KIF20B: variants seen among roughly 807,000 people sequenced by gnomAD.
KIF20B encodes the protein kinesin-like protein KIF20B.
A neutral mutation model predicts 232.5 loss-of-function variants in KIF20B; 188 were observed. The ratio of observed to expected loss-of-function variants is 0.81; its 90% CI spans 0.72 to 0.91. The LOEUF (loss-of-function observed/expected upper bound fraction) is 0.91, where lower values mean the gene tolerates loss of function less well. Ranked by LOEUF, KIF20B falls within the 40% of genes least tolerant of loss-of-function variation. The pLI is 0.00. For synonymous variants in KIF20B, 712 were observed against 683.0 expected (o/e 1.04, Z -0.66); for missense variants, 2,154 against 2,055.9 (o/e 1.05, Z -0.92).
At chr10:89,702,467 A>G (rs1159606757) in intron 1 of KIF20B, among the ~76,000 whole-genome samples, 2 of 152,258 alleles carry the variant, frequency 1.3e-5, no homozygotes, top group Non-Finnish European at 2.9e-5. Flanking sequence ...GTAGTGTAAC[A>G]GTGTATTTAT....
intron 32 of KIF20B, 68 bp from the exon 33 acceptor site, chr10:89,773,902 AT>A: frequency 1.1e-6 from 1 of 949,352 alleles, no homozygotes; most frequent in Non-Finnish European, 1.6e-6. Flanking sequence ...TGTCTTACTC[AT>A]TATAAACAAG....
At chr10:89,727,930 GTATT>G (rs759083525) in intron 17 of KIF20B, 34 bp downstream of exon 17, 1 of 1,509,454 alleles carries the variant, frequency 6.6e-7, no homozygotes, top group South Asian at 1.2e-5. Context: ...TCTTGATAAG[GTATT>G]TAATTAACAA....
chr10:89,756,659 A>G (rs1288090958), intron 26 of KIF20B, among the ~76,000 whole-genome samples: 2 of 152,118 alleles, frequency 1.3e-5, no homozygotes, highest in Admixed American at 1.3e-4. Flanking sequence ...ACACTGTTCC[A>G]CCCCAGAAGC....
intron 22 of KIF20B, among the ~76,000 whole-genome samples, chr10:89,745,465 G>T (rs1196065537): frequency 6.6e-6 from 1 of 152,206 alleles, no homozygotes; most frequent in East Asian, 1.9e-4. Context: ...GGAGGTTGCA[G>T]TGAGCCAAGA....
chr10:89,762,730 A>G lies in KIF20B; in HGVS notation c.4884A>G (p.Thr1628=). Reference sequence around the variant, plus strand: ...AACCTGAGTTAGAGATTCAATTTACACCTTTACAGCCAAACAAAATGGCAG... The same window carrying G: ...AACCTGAGTTAGAGATTCAATTTACGCCTTTACAGCCAAACAAAATGGCAG... ...FPKPELEIQF[T]PLQPNKMAVK... is the part of the protein sequence containing the mutation. The change falls in exon 29 of 33, where the codon ACA becomes ACG. Residue 1628 remains threonine, a synonymous_variant. Coordinates refer to ENST00000371728, the MANE Select transcript of KIF20B (RefSeq NM_001284259.2). 4 of 1,613,512 alleles carry G rather than the reference A, an allele frequency of 2.5e-6. No individual in the cohort carries two copies. The highest frequency in any genetic ancestry group is 3.4e-6 in the Non-Finnish European group (4 of 1,179,670).
chr10:89,742,049 TAAATAAAGAAAAA>T (rs553665648), intron 21 of KIF20B, among the ~76,000 whole-genome samples: 1 of 152,138 alleles, frequency 6.6e-6, no homozygotes, highest in Admixed American at 6.5e-5. Context: ...CTTAACTTAA[TAAATAAAGAAAAA>T]AAATTGTAAT....
intron 19 of KIF20B, among the ~76,000 whole-genome samples, chr10:89,735,358 A>C (rs1392113967): frequency 6.6e-6 from 1 of 152,112 alleles, no homozygotes; most frequent in Non-Finnish European, 1.5e-5. Context: ...GTGATGAGTG[A>C]GATATAGGGA....
chr10:89,717,946 C>T (rs1439988830), intron 11 of KIF20B, among the ~76,000 whole-genome samples: 3 of 152,142 alleles, frequency 2.0e-5, no homozygotes, highest in African/African-American at 7.2e-5. Flanking sequence ...TTTTCCATGG[C>T]AAATCTATAC....
intron 18 of KIF20B, among the ~76,000 whole-genome samples, chr10:89,732,321 C>A (rs1269357876): frequency 6.6e-6 from 1 of 152,070 alleles, no homozygotes; most frequent in Non-Finnish European, 1.5e-5. Flanking sequence ...CGGGTTCTCA[C>A]TGTGTGGCCC....
At chr10:89,773,323 A>G (rs940824901) in intron 32 of KIF20B, among the ~76,000 whole-genome samples, 4 of 152,110 alleles carry the variant, frequency 2.6e-5, no homozygotes, top group Non-Finnish European at 2.9e-5. Context: ...GGAAAGCTCA[A>G]ATTTTCTGTC....
At chr10:89,742,977 A>G (rs1163763683) in intron 21 of KIF20B, among the ~76,000 whole-genome samples, 4 of 152,170 alleles carry the variant, frequency 2.6e-5, no homozygotes, top group Non-Finnish European at 5.9e-5. Flanking sequence ...CTGGTATTAC[A>G]GGCATGAGCC....
At chr10:89,708,377 A>C (rs1023128892) in intron 2 of KIF20B, among the ~76,000 whole-genome samples, 1 of 151,864 alleles carries the variant, frequency 6.6e-6, no homozygotes, top group Non-Finnish European at 1.5e-5. Context: ...ATGCCTGGCT[A>C]ATTTTGTATT....
At position 89,725,998 on chromosome 10, in the gene KIF20B, C is replaced by T. The variant is rs542548469; in HGVS notation, c.2002-295C>T. 6.6e-5 allele frequency among the ~76,000 whole-genome samples: 10 copies of T among 152,200 alleles called. 1 individual carries two copies. The highest frequency in any genetic ancestry group is 2.4e-4 in the African/African-American group (10 of 41,528). On this transcript the variant is annotated intron_variant, in intron 15 of 32. Transcript: ENST00000371728. ...ACTATCCCAACAAAACCTTTTAAGT[C>T]TCATTATATAATTGAAAGTATACCT...
In KIF20B at chr10:89,727,281, TCTCA is replaced by T. The variant is rs560286653; in HGVS notation, c.2231-571_2231-568del. 6.3e-3 allele frequency among the ~76,000 whole-genome samples: 947 copies of T among 150,118 alleles called. 9 individuals carry two copies. The highest frequency in any genetic ancestry group is 8.2e-3 in the Non-Finnish European group (552 of 67,650). ...CCCCCTTTTTTTTTTAAAGACAGGG[TCTCA>T]CTCTGTCACCCAGGCTGGAGCGCAG... On this transcript the variant is annotated intron_variant, in intron 16 of 32. Coordinates refer to ENST00000371728, the MANE Select transcript of KIF20B (RefSeq NM_001284259.2).
intron 2 of KIF20B, among the ~76,000 whole-genome samples, chr10:89,707,517 T>C (rs1842749334): frequency 6.7e-6 from 1 of 148,544 alleles, no homozygotes; most frequent in South Asian, 2.1e-4. Context: ...ATTTTTTTTT[T>C]CCTTTTCTTT....
chr10:89,728,204 C>G (rs533513088), intron 17 of KIF20B, among the ~76,000 whole-genome samples: 67 of 152,148 alleles, frequency 4.4e-4, no homozygotes, highest in African/African-American at 1.6e-3. Flanking sequence ...GACATTACAC[C>G]TACTGTTTAT....
chr10:89,709,114 C>T, intron 2 of KIF20B, 53 bp from the exon 3 acceptor site: 2 of 1,306,290 alleles, frequency 1.5e-6, no homozygotes, highest in East Asian at 4.6e-5. Context: ...AAAATGGTCT[C>T]TGAAAAGCCG....
At chr10:89,734,928 C>T (rs1390382774) in intron 19 of KIF20B, among the ~76,000 whole-genome samples, 2 of 152,072 alleles carry the variant, frequency 1.3e-5, no homozygotes, top group Non-Finnish European at 2.9e-5. Context: ...AAAATAATAC[C>T]CCAGAACACT....
chr10:89,771,351 G>C (rs887189580), intron 31 of KIF20B, among the ~76,000 whole-genome samples: 2 of 152,078 alleles, frequency 1.3e-5, no homozygotes, highest in Non-Finnish European at 2.9e-5. Context: ...TCTTAGTATA[G>C]TGGCTAGCAC....
Sources: gnomAD v4.1 joint callset for allele counts (sites outside exome capture counted in the v4.1 genomes callset) on GRCh38, gnomAD v4.1.1 for gene constraint, MANE v1.5 for transcripts, NCBI Gene and HGNC (gene_info 2026-07-23, HGNC 2026-07-21) for gene names.